Variants in DAB1 observed in about 807,000 individuals in gnomAD.
The protein encoded by DAB1 is DAB adaptor protein 1, also known as disabled homolog 1.
Under a neutral mutation model 64.6 loss-of-function variants are expected in DAB1, and 15 were observed. The ratio of observed to expected loss-of-function variants is 0.23; its 90% CI spans 0.16 to 0.36. The LOEUF (loss-of-function observed/expected upper bound fraction) is 0.36, where lower values mean the gene tolerates loss of function less well. DAB1 is among the 10% of genes least tolerant of loss of function. The probability of loss-of-function intolerance (pLI) is 1.00; values close to 1 mark genes in which losing one functional copy is unlikely to be tolerated. For missense variants in DAB1, 596 were observed against 706.7 expected, an observed-to-expected ratio of 0.84 and a Z score of 1.78; for synonymous variants, 235 against 251.9, an observed-to-expected ratio of 0.93 and a Z score of 0.64.
intron 4 of DAB1, among the ~76,000 whole-genome samples, chr1:57,115,706 C>T (rs1459908339): frequency 1.3e-5 from 2 of 152,130 alleles, no homozygotes; most frequent in Non-Finnish European, 2.9e-5. Context: ...TTGGGAAAGG[C>T]TCAGGAAGAA....
At chr1:58,462,213 G>A (rs568309778) in intron 3 of DAB1, among the ~76,000 whole-genome samples, 1 of 140,044 alleles carries the variant, frequency 7.1e-6, no homozygotes, top group African/African-American at 2.7e-5. Flanking sequence ...TGCAAGCTCC[G>A]CTTCCCGGGT....
At chr1:57,302,917 A>C (rs1315311023) in intron 1 of DAB1, among the ~76,000 whole-genome samples, 2 of 152,182 alleles carry the variant, frequency 1.3e-5, no homozygotes, top group African/African-American at 4.8e-5. Context: ...CCAAGCCTGA[A>C]TTTGTTCACT....
intron 3 of DAB1, among the ~76,000 whole-genome samples, chr1:58,497,363 A>G (rs1408853867): frequency 1.3e-5 from 2 of 152,176 alleles, no homozygotes; most frequent in African/African-American, 4.8e-5. Context: ...CAGAAATCTG[A>G]TGTAGACAGA....
At chr1:57,740,480 T>A (rs1466429535) in intron 6 of DAB1, among the ~76,000 whole-genome samples, 2 of 152,134 alleles carry the variant, frequency 1.3e-5, no homozygotes, top group Non-Finnish European at 2.9e-5. Flanking sequence ...ATAATACATG[T>A]AAAGTGCCTA....
At chr1:57,497,516 T>C (rs1296530956) in intron 7 of DAB1, among the ~76,000 whole-genome samples, 1 of 152,218 alleles carries the variant, frequency 6.6e-6, no homozygotes, top group Non-Finnish European at 1.5e-5. Context: ...ATGTAGACAT[T>C]GACCAAATAA....
intron 7 of DAB1, among the ~76,000 whole-genome samples, chr1:57,483,801 A>G (rs557057149): frequency 1.6e-4 from 24 of 152,186 alleles, no homozygotes; most frequent in African/African-American, 5.3e-4. Flanking sequence ...GATTTTATAT[A>G]CCCTGGGTTG....
intron 1 of DAB1, among the ~76,000 whole-genome samples, chr1:58,529,871 G>A (rs1295252765): frequency 6.6e-6 from 1 of 151,954 alleles, no homozygotes; most frequent in Admixed American, 6.6e-5. Context: ...CAAACACCAT[G>A]CTTTTATTTT....
At chr1:58,357,836 G>C (rs1644126045) in intron 3 of DAB1, among the ~76,000 whole-genome samples, 1 of 152,130 alleles carries the variant, frequency 6.6e-6, no homozygotes, top group Non-Finnish European at 1.5e-5. Flanking sequence ...GTGGGAAAAG[G>C]AGGAACCTGT....
At chr1:57,258,200 T>C (rs1334407363) in intron 2 of DAB1, among the ~76,000 whole-genome samples, 1 of 152,196 alleles carries the variant, frequency 6.6e-6, no homozygotes, top group Admixed American at 6.5e-5. Context: ...ATCTCATAAA[T>C]TCTTCAAAGC....
At chr1:58,445,354 C>T (rs1645053795) in intron 3 of DAB1, among the ~76,000 whole-genome samples, 1 of 152,180 alleles carries the variant, frequency 6.6e-6, no homozygotes, top group Admixed American at 6.5e-5. Context: ...CGGAGGAAGA[C>T]ATTAAAACCC....
chr1:57,180,098 G>A (rs111521372), intron 2 of DAB1, among the ~76,000 whole-genome samples: 1 of 152,152 alleles, frequency 6.6e-6, no homozygotes, highest in African/African-American at 2.4e-5. Context: ...CTTCACTCCT[G>A]CTTTTCTACA....
intron 1 of DAB1, among the ~76,000 whole-genome samples, chr1:57,844,741 A>G (rs1049368649): frequency 6.6e-5 from 10 of 152,104 alleles, no homozygotes; most frequent in African/African-American, 2.4e-4. Context: ...ACAGGAAGAG[A>G]GAGATACTGG....
intron 2 of DAB1, among the ~76,000 whole-genome samples, chr1:57,177,595 G>T (rs761613400): frequency 6.6e-6 from 1 of 152,046 alleles, no homozygotes; most frequent in Non-Finnish European, 1.5e-5. Flanking sequence ...ACTCTAAAGC[G>T]CATGGCCATG....
At chr1:58,300,644 GAGAGGAAGGAAGGAAGGAAGGAAGGA>G (rs1219688650) in intron 4 of DAB1, among the ~76,000 whole-genome samples, 7 of 59,336 alleles carry the variant, frequency 1.2e-4, no homozygotes, top group African/African-American at 3.2e-4. Context: ...GAGAGAGAGA[GAGAGGAAGGAAGGAAGGAAGGAAGGA>G]AGGAAGGAAG....
Position 58,137,265 on chromosome 1 carries a change from G to A in DAB1, n.387+13246C>T, listed in dbSNP as rs565195341. Among the ~76,000 whole-genome samples the A allele has an allele frequency of 2.6e-4, 40 of 152,242 alleles. No homozygotes were observed. The South Asian group carries it at 4.1e-3, about 16-fold the overall frequency. Reference sequence around the variant, plus strand: ...TTGTTTTACACTAAGAAAAGGGATCGTCAGACAACTTAAATAACTTGCCTT... The same window carrying A: ...TTGTTTTACACTAAGAAAAGGGATCATCAGACAACTTAAATAACTTGCCTT... On this transcript the variant is annotated intron_variant and non_coding_transcript_variant, in intron 5 of 20. Coordinates refer to the DAB1 transcript ENST00000485760.
chr1:58,265,267 A>T (rs1569580961), intron 4 of DAB1, among the ~76,000 whole-genome samples: 1 of 152,236 alleles, frequency 6.6e-6, no homozygotes, highest in Non-Finnish European at 1.5e-5. Flanking sequence ...ACTGCAGACC[A>T]CAGATTCAAT....
At chr1:57,419,918 C>T (rs567874563) in intron 1 of DAB1, among the ~76,000 whole-genome samples, 1 of 152,346 alleles carries the variant, frequency 6.6e-6, no homozygotes, top group South Asian at 2.1e-4. Flanking sequence ...TCTCTGCTTA[C>T]CACAGCTAGT....
chr1:57,853,844 G>C (rs1653638785), intron 1 of DAB1, among the ~76,000 whole-genome samples: 1 of 152,152 alleles, frequency 6.6e-6, no homozygotes, highest in Non-Finnish European at 1.5e-5. Flanking sequence ...AGAAGGTTCT[G>C]GTTGTCACAT....
chr1:57,633,055 C>T (rs776924618), intron 7 of DAB1, among the ~76,000 whole-genome samples: 8 of 152,182 alleles, frequency 5.3e-5, no homozygotes, highest in Non-Finnish European at 5.9e-5. Context: ...ATATGTTTTA[C>T]AGTTAAGAAT....
Sources: gnomAD v4.1 joint callset for allele counts (sites outside exome capture counted in the v4.1 genomes callset) on GRCh38, gnomAD v4.1.1 for gene constraint, MANE v1.5 for transcripts, NCBI Gene and HGNC (gene_info 2026-07-23, HGNC 2026-07-21) for gene names.